Variants in RBFOX1 observed in about 807,000 individuals in gnomAD.
RBFOX1 encodes RNA binding fox-1 homolog 1.
Under a neutral mutation model 57.7 loss-of-function variants are expected in RBFOX1, and 8 were observed. That is an observed-to-expected ratio of 0.14 (90% CI 0.08 to 0.25). The LOEUF (loss-of-function observed/expected upper bound fraction) is 0.25, where lower values mean the gene tolerates loss of function less well. Among genes scored for constraint, RBFOX1 ranks in the 10% least tolerant of loss-of-function variants. The probability of loss-of-function intolerance (pLI) is 1.00; values close to 1 mark genes in which losing one functional copy is unlikely to be tolerated. For missense variants in RBFOX1, 611 were observed against 548.5 expected (o/e 1.11, Z -1.14); for synonymous variants, 326 against 222.4 (o/e 1.47, Z -4.15).
chr16:5,260,164 C>T (rs1014178808), intron 1 of RBFOX1, among the ~76,000 whole-genome samples: 1 of 152,196 alleles, frequency 6.6e-6, no homozygotes, highest in Non-Finnish European at 1.5e-5. Flanking sequence ...CATACCACTG[C>T]ACTCCAATGT....
Position 6,635,072 on chromosome 16 carries a change from TTTTAA to T in RBFOX1, c.-63-19526_-63-19522del, listed in dbSNP as rs1262674251. ...TAATAGTTTAAATATATGTTATATA[TTTTAA>T]TTTATATATCATATATATTATATAT... On this transcript the variant is annotated intron_variant, in intron 2 of 15. Coordinates refer to ENST00000550418, the MANE Select transcript of RBFOX1 (RefSeq NM_018723.4). Among the ~76,000 whole-genome samples the T allele has an allele frequency of 4.1e-5, 4 of 97,814 alleles. No homozygotes were observed. In the South Asian group the frequency reaches 1.6e-3, roughly 40 times the overall value. 64.2% of individuals were successfully genotyped at this position (97,814 alleles called of 152,430 possible).
intron 4 of RBFOX1, among the ~76,000 whole-genome samples, chr16:6,007,260 A>G (rs1468108632): frequency 6.6e-6 from 1 of 152,178 alleles, no homozygotes; most frequent in African/African-American, 2.4e-5. Context: ...GAGTCATAAG[A>G]AGAAGTCAGT....
At chr16:7,598,020 T>C (rs1455298778) in intron 9 of RBFOX1, among the ~76,000 whole-genome samples, 1 of 152,216 alleles carries the variant, frequency 6.6e-6, no homozygotes, top group Non-Finnish European at 1.5e-5. Context: ...ATGCAATTTC[T>C]GTTTTTATCA....
At chr16:6,921,854 C>G (rs1372648613) in intron 3 of RBFOX1, among the ~76,000 whole-genome samples, 1 of 151,978 alleles carries the variant, frequency 6.6e-6, no homozygotes, top group Non-Finnish European at 1.5e-5. Flanking sequence ...TGGTTGGAAG[C>G]AAGTCCCAGG....
At chr16:7,607,241 T>G in intron 9 of RBFOX1, 44 bp from the exon 10 acceptor site, 2 of 1,536,958 alleles carry the variant, frequency 1.3e-6, no homozygotes, top group Non-Finnish European at 1.8e-6. Context: ...ATATAAGATG[T>G]TGAATCAAAT....
intron 4 of RBFOX1, among the ~76,000 whole-genome samples, chr16:6,003,603 C>T (rs1036182736): frequency 6.6e-6 from 1 of 152,166 alleles, no homozygotes; most frequent in African/African-American, 2.4e-5. Context: ...CGACAGCTTC[C>T]TGATCACCTA....
At chr16:6,442,632 A>G (rs1038217467) in intron 2 of RBFOX1, among the ~76,000 whole-genome samples, 2 of 152,046 alleles carry the variant, frequency 1.3e-5, no homozygotes. Context: ...ACTGCCTAAC[A>G]CACCTTCTCT....
At chr16:7,031,894 C>T (rs1226390075) in intron 3 of RBFOX1, among the ~76,000 whole-genome samples, 3 of 152,164 alleles carry the variant, frequency 2.0e-5, no homozygotes, top group East Asian at 1.9e-4. Flanking sequence ...ACTGATCTCT[C>T]CCTGATCAGT....
chr16:6,853,820 G>T (rs560750328), intron 3 of RBFOX1, among the ~76,000 whole-genome samples: 1 of 152,136 alleles, frequency 6.6e-6, no homozygotes, highest in Admixed American at 6.5e-5. Flanking sequence ...CCTCCCCAAC[G>T]GATGACTGAC....
chr16:6,303,892 A>G (rs567901329), intron 1 of RBFOX1, among the ~76,000 whole-genome samples: 127 of 141,508 alleles, frequency 9.0e-4, no homozygotes, highest in Non-Finnish European at 1.6e-3. Flanking sequence ...GCTCACTGCA[A>G]CCTCCCCCTC....
At chr16:6,757,161 A>T (rs12934843) in intron 3 of RBFOX1, among the ~76,000 whole-genome samples, 2 of 151,972 alleles carry the variant, frequency 1.3e-5, no homozygotes, top group African/African-American at 4.8e-5. Context: ...GCTAGCAAGG[A>T]TGTGGAGAAA....
chr16:7,335,946 G>C (rs2096778934), intron 4 of RBFOX1, among the ~76,000 whole-genome samples: 1 of 152,196 alleles, frequency 6.6e-6, no homozygotes, highest in South Asian at 2.1e-4. Context: ...CTCATGTGCA[G>C]AAAAAGCAGA....
At chr16:5,475,749 T>C (rs900480284) in intron 2 of RBFOX1, among the ~76,000 whole-genome samples, 2 of 152,204 alleles carry the variant, frequency 1.3e-5, no homozygotes, top group African/African-American at 2.4e-5. Flanking sequence ...TACAGCCACA[T>C]ATCTGAGGAA....
chr16:6,912,350 G>C (rs1326967454), intron 3 of RBFOX1, among the ~76,000 whole-genome samples: 1 of 152,128 alleles, frequency 6.6e-6, no homozygotes, highest in African/African-American at 2.4e-5. Context: ...CTTCTAGCAA[G>C]TTCCCAGGTG....
At chr16:7,085,299 C>A (rs572235964) in intron 4 of RBFOX1, among the ~76,000 whole-genome samples, 2 of 152,164 alleles carry the variant, frequency 1.3e-5, no homozygotes, top group South Asian at 2.1e-4. Context: ...CACTCAGCAC[C>A]GGCTCATGGT....
At chr16:7,172,972 C>T (rs979778163) in intron 4 of RBFOX1, among the ~76,000 whole-genome samples, 3 of 152,024 alleles carry the variant, frequency 2.0e-5, no homozygotes, top group Admixed American at 6.6e-5. Flanking sequence ...GTATGGTTTT[C>T]GTGTAAAAGA....
rs1364374195 is a variant in RBFOX1, at chr16:6,741,866, A to G, written c.-16+87216A>G. ...GGGTTAGAGAAATGTTTGTCAAAGCATACAAAGTTTTAGTTAGATAGGAGG... is the reference window on the plus strand; with the variant it reads ...GGGTTAGAGAAATGTTTGTCAAAGCGTACAAAGTTTTAGTTAGATAGGAGG... On this transcript the variant is annotated intron_variant, in intron 3 of 15. Coordinates refer to ENST00000550418, the MANE Select transcript of RBFOX1 (RefSeq NM_018723.4). 2.0e-5 allele frequency among the ~76,000 whole-genome samples: 3 copies of G among 152,324 alleles called. No individual in the cohort carries two copies. In the East Asian group the frequency reaches 5.8e-4, roughly 29 times the overall value.
At chr16:6,069,911 C>A (rs2095815126) in intron 1 of RBFOX1, among the ~76,000 whole-genome samples, 1 of 151,850 alleles carries the variant, frequency 6.6e-6, no homozygotes, top group African/African-American at 2.4e-5. Context: ...CACTTGAACC[C>A]AGGAGGCAGA....
chr16:6,536,695 A>G (rs1007589277), intron 2 of RBFOX1, among the ~76,000 whole-genome samples: 1 of 152,038 alleles, frequency 6.6e-6, no homozygotes, highest in Non-Finnish European at 1.5e-5. Context: ...TCAGATTTTT[A>G]TAGTAGGTGT....
Sources: allele counts gnomAD v4.1 joint callset (sites outside exome capture counted in the v4.1 genomes callset), GRCh38; gene constraint gnomAD v4.1.1; transcripts MANE v1.5; gene names NCBI Gene and HGNC (gene_info 2026-07-23, HGNC 2026-07-21).